Variants in ZPLD1 observed in about 807,000 individuals in gnomAD.
ZPLD1 encodes zona pellucida-like domain-containing protein 1.
ZPLD1 carries 34 observed loss-of-function variants against 47.2 expected under a neutral mutation model. The ratio of observed to expected loss-of-function variants is 0.72; its 90% confidence interval spans 0.55 to 0.96. ZPLD1 has a LOEUF of 0.96. Among genes scored for constraint, ZPLD1 ranks in the 40% least tolerant of loss-of-function variants. ZPLD1 has a pLI of 0.00. For missense variants in ZPLD1, 512 were observed against 505.8 expected (o/e 1.01, Z -0.12); for synonymous variants, 176 against 186.2 (o/e 0.95, Z 0.45).
chr3:102,401,535 G>T (rs1706620257), intron 7 of ZPLD1, among the ~76,000 whole-genome samples: 1 of 152,058 alleles, frequency 6.6e-6, no homozygotes, highest in African/African-American at 2.4e-5. Flanking sequence ...TTAGAAGTTT[G>T]CATATACTTC....
At chr3:102,441,364 A>T (rs1707174686) in intron 3 of ZPLD1, among the ~76,000 whole-genome samples, 1 of 152,188 alleles carries the variant, frequency 6.6e-6, no homozygotes, top group Non-Finnish European at 1.5e-5. Flanking sequence ...AGTTGTTAAA[A>T]GTGGGGACTC....
intron 7 of ZPLD1, among the ~76,000 whole-genome samples, chr3:102,399,049 G>A (rs1207510122): frequency 6.6e-6 from 1 of 152,094 alleles, no homozygotes; most frequent in Non-Finnish European, 1.5e-5. Context: ...AAAAGGAAGA[G>A]GAAGCAAGCA....
chr3:102,456,082 A>T, intron 4 of ZPLD1, 111 bp from the exon 5 acceptor site: 1 of 772,428 alleles, frequency 1.3e-6, no homozygotes, highest in Non-Finnish European at 1.9e-6. Flanking sequence ...CTCATTTTAT[A>T]GTTGAACTAG....
At chr3:102,468,417 G>A (rs1417489563) in intron 8 of ZPLD1, among the ~76,000 whole-genome samples, 1 of 152,106 alleles carries the variant, frequency 6.6e-6, no homozygotes, top group East Asian at 1.9e-4. Context: ...AATAAACTCT[G>A]AAACATGTCC....
At chr3:102,447,637 G>T (rs1244458956) in intron 3 of ZPLD1, among the ~76,000 whole-genome samples, 1 of 152,056 alleles carries the variant, frequency 6.6e-6, no homozygotes, top group Non-Finnish European at 1.5e-5. Context: ...GGAAATGAAG[G>T]CTCCAACAGT....
At chr3:102,458,268 G>A (rs1026883196) in intron 6 of ZPLD1, among the ~76,000 whole-genome samples, 1 of 152,122 alleles carries the variant, frequency 6.6e-6, no homozygotes, top group Non-Finnish European at 1.5e-5. Context: ...CCTTGGTGAT[G>A]AATGTGTTAA....
intron 7 of ZPLD1, among the ~76,000 whole-genome samples, chr3:102,404,813 G>A (rs1419922160): frequency 6.6e-6 from 1 of 151,960 alleles, no homozygotes; most frequent in Non-Finnish European, 1.5e-5. Flanking sequence ...CCTAGAGACA[G>A]CACTCAGGAT....
upstream of ZPLD1, among the ~76,000 whole-genome samples, chr3:102,434,599 T>G (rs752167339): frequency 6.6e-6 from 1 of 152,178 alleles, no homozygotes; most frequent in African/African-American, 2.4e-5. Context: ...TTTAAACTTA[T>G]GAAGATTCTA....
At chr3:102,431,938 A>G (rs1707020613), upstream of ZPLD1, among the ~76,000 whole-genome samples, 1 of 152,098 alleles carries the variant, frequency 6.6e-6, no homozygotes, top group South Asian at 2.1e-4. Context: ...AACAATAATG[A>G]TTTTGAAGGG....
At chr3:102,421,756 G>A (rs1405216547) in intron 8 of ZPLD1, among the ~76,000 whole-genome samples, 3 of 151,538 alleles carry the variant, frequency 2.0e-5, no homozygotes, top group Non-Finnish European at 3.0e-5. Context: ...TTTAGAAAGT[G>A]AACCAATTAA....
At chr3:102,455,622 G>A (rs958570147) in intron 4 of ZPLD1, among the ~76,000 whole-genome samples, 1 of 152,196 alleles carries the variant, frequency 6.6e-6, no homozygotes, top group Non-Finnish European at 1.5e-5. Context: ...TGGACAAGAT[G>A]GTCCCTGCCC....
At chr3:102,437,098 G>GCGCCAT in intron 2 of ZPLD1, 125 bp downstream of exon 2, 1 of 315,214 alleles carries the variant, frequency 3.2e-6, no homozygotes, top group Non-Finnish European at 4.6e-6. Flanking sequence ...TAATGATGGC[G>GCGCCAT]CAGGTATGGC....
intron 6 of ZPLD1, among the ~76,000 whole-genome samples, chr3:102,387,953 T>C (rs888295965): frequency 6.2e-5 from 9 of 144,784 alleles, no homozygotes; most frequent in South Asian, 4.5e-4. Context: ...CTCCGCCTCC[T>C]GGGCTCACGC....
intron 7 of ZPLD1, among the ~76,000 whole-genome samples, chr3:102,395,705 A>G (rs544193216): frequency 2.2e-4 from 34 of 152,328 alleles, no homozygotes; most frequent in African/African-American, 7.9e-4. Flanking sequence ...CACATTCATA[A>G]CAGTTGCATC....
At chr3:102,403,231 T>TGA (rs891252961) in intron 7 of ZPLD1, among the ~76,000 whole-genome samples, 5 of 151,906 alleles carry the variant, frequency 3.3e-5, no homozygotes, top group Non-Finnish European at 5.9e-5. Flanking sequence ...TGTATTCATA[T>TGA]GAGAGAGAGA....
intron 10 of ZPLD1, among the ~76,000 whole-genome samples, chr3:102,474,811 C>T (rs971408370): frequency 5.9e-5 from 9 of 152,110 alleles, no homozygotes; most frequent in African/African-American, 2.2e-4. Flanking sequence ...TTGGAGAGCC[C>T]CAAAAGTTTG....
chr3:102,395,713 A>T (rs1474914686), intron 7 of ZPLD1, among the ~76,000 whole-genome samples: 1 of 152,212 alleles, frequency 6.6e-6, no homozygotes, highest in Non-Finnish European at 1.5e-5. Flanking sequence ...TAACAGTTGC[A>T]TCATATTACT....
At chr3:102,426,559 T>C (rs1706950998) in intron 8 of ZPLD1, among the ~76,000 whole-genome samples, 1 of 152,160 alleles carries the variant, frequency 6.6e-6, no homozygotes. Context: ...CTTAATTCTT[T>C]CCTTTTAATT....
intron 7 of ZPLD1, among the ~76,000 whole-genome samples, chr3:102,403,230 A>G (rs1381563134): frequency 6.6e-6 from 1 of 151,958 alleles, no homozygotes; most frequent in African/African-American, 2.4e-5. Context: ...ATGTATTCAT[A>G]TGAGAGAGAG....
Sources: gnomAD v4.1 joint callset for allele counts (sites outside exome capture counted in the v4.1 genomes callset) on GRCh38, gnomAD v4.1.1 for gene constraint, MANE v1.5 for transcripts, NCBI Gene and HGNC (gene_info 2026-07-23, HGNC 2026-07-21) for gene names.